Variants in PDZD2 observed in about 807,000 individuals in gnomAD.
PDZD2 encodes PDZ domain-containing protein 2.
Under a neutral mutation model 220.7 loss-of-function variants are expected in PDZD2, and 90 were observed. That is an observed-to-expected ratio of 0.41 (90% confidence interval 0.34 to 0.49). The LOEUF is 0.49. Among genes scored for constraint, PDZD2 ranks in the 20% least tolerant of loss-of-function variants. The pLI, the probability that PDZD2 is intolerant of heterozygous loss-of-function variation, is 0.28. For synonymous variants in PDZD2, 1,375 were observed against 1,450.5 expected, an observed-to-expected ratio of 0.95 and a Z score of 1.18; for missense variants, 3,174 against 3,608.5, an observed-to-expected ratio of 0.88 and a Z score of 3.08.
chr5:32,008,465 A>G (rs996277053), intron 5 of PDZD2, among the ~76,000 whole-genome samples: 1 of 152,000 alleles, frequency 6.6e-6, no homozygotes, highest in African/African-American at 2.4e-5. Flanking sequence ...TATTTTTAGT[A>G]GAGACGGATG....
intron 2 of PDZD2, 97 bp from the exon 3 acceptor site, chr5:31,983,058 T>C: frequency 7.7e-7 from 1 of 1,292,540 alleles, no homozygotes; most frequent in African/African-American, 1.5e-5. Context: ...ATCGGCCAAC[T>C]GGTCGTCACT....
Position 31,660,836 on chromosome 5 carries a change from C to T in PDZD2, c.-361+21399C>T, listed in dbSNP as rs540199123. On this transcript the variant is annotated intron_variant, in intron 1 of 24. Coordinates refer to ENST00000438447, the MANE Select transcript of PDZD2 (RefSeq NM_178140.4). ...CTCTTGAGCTCAAGCAGTCCTCCCC[C>T]CTCAGCCTCCTGAGTAGCTTAGACT... Among the ~76,000 whole-genome samples the T allele has an allele frequency of 1.4e-4, 22 of 152,284 alleles. No homozygotes were observed. In the East Asian group the frequency reaches 2.5e-3, roughly 17 times the overall value.
Position 32,098,133 on chromosome 5 carries a change from C to T in PDZD2, c.7948-231C>T, listed in dbSNP as rs1743899462. On this transcript the variant is annotated intron_variant, in intron 22 of 24. Transcript: ENST00000438447. This position sits in a 1 kb window ranked among gnomAD's most constrained non-coding sequence, Gnocchi z 4.1. ...ATTAACTTGGCATAGTGGTGTGTGCCTATAATCCCAGCTACTCAGGAGGCT... is the reference window on the plus strand; with the variant it reads ...ATTAACTTGGCATAGTGGTGTGTGCTTATAATCCCAGCTACTCAGGAGGCT... 6.6e-6 allele frequency among the ~76,000 whole-genome samples: 1 copy of T among 152,114 alleles called. No individual in the cohort carries two copies. The highest frequency in any genetic ancestry group is 6.5e-5 in the Admixed American group (1 of 15,268).
intron 7 of PDZD2, among the ~76,000 whole-genome samples, chr5:32,042,811 A>G (rs933109146): frequency 6.6e-6 from 1 of 152,128 alleles, no homozygotes; most frequent in African/African-American, 2.4e-5. Flanking sequence ...GGGGCGAGGG[A>G]GTCACAAGGG....
intron 2 of PDZD2, among the ~76,000 whole-genome samples, chr5:31,805,129 A>G (rs556078201): frequency 6.6e-6 from 1 of 152,276 alleles, no homozygotes; most frequent in East Asian, 1.9e-4. Flanking sequence ...CAGGAGGTGG[A>G]TGTTGCAGTG....
chr5:31,949,668 C>CT (rs5867121), intron 2 of PDZD2, among the ~76,000 whole-genome samples: 1,932 of 127,854 alleles, frequency 0.015, 38 homozygotes, highest in South Asian at 0.057. Context: ...CCATTTTTAG[C>CT]TTTTTTTTTT....
intron 1 of PDZD2, among the ~76,000 whole-genome samples, chr5:31,756,160 C>G (rs907408495): frequency 1.7e-4 from 26 of 152,148 alleles, no homozygotes; most frequent in African/African-American, 5.3e-4. Flanking sequence ...AACGCAGAAG[C>G]CCCGGCCCCT....
chr5:31,799,550 G>A lies in PDZD2; in HGVS notation c.302G>A (p.Arg101Lys). The change falls in exon 2 of 25, where the codon AGG (arginine) becomes AAG (lysine). Residue 101 changes from arginine (R) to lysine (K), a missense_variant. By Grantham distance (26) the Arg-to-Lys change is conservative. Coordinates refer to ENST00000438447, the MANE Select transcript of PDZD2 (RefSeq NM_178140.4). The part of the protein sequence containing the change: ...PVFGDYGEKR[R>K]GGKKRKTHQG... ...TTCGGGGACTATGGTGAAAAGCGCA[G>A]GGGGGGCAAGAAGAGGAAAACCCAC... The A allele has an allele frequency of 1.2e-6, 2 of 1,613,992 alleles. No homozygotes were observed. The highest frequency in any genetic ancestry group is 1.7e-6 in the Non-Finnish European group (2 of 1,179,914).
chr5:31,673,836 T>A (rs994692636), intron 1 of PDZD2, among the ~76,000 whole-genome samples: 1 of 152,094 alleles, frequency 6.6e-6, no homozygotes, highest in Admixed American at 6.5e-5. Context: ...CTGGGTGTGG[T>A]GGTGCACACC....
chr5:31,877,242 TTC>T lies in PDZD2; in HGVS notation c.476+77526_476+77527del, dbSNP rs893273127. On this transcript the variant is annotated intron_variant, in intron 2 of 24. Coordinates refer to ENST00000438447, the MANE Select transcript of PDZD2 (RefSeq NM_178140.4). ...GTTTGTTTGTTTGTTTTGAGATGGGTTCTCTCTCTGTCACCCAGGCTGGAGTG... is the reference window on the plus strand; with the variant it reads ...GTTTGTTTGTTTGTTTTGAGATGGGTTCTCTCTGTCACCCAGGCTGGAGTG... Among the ~76,000 whole-genome samples, 4 of 152,138 alleles carry T rather than the reference TTC, an allele frequency of 2.6e-5. No homozygotes were observed. The East Asian group carries it at 7.7e-4, about 29-fold the overall frequency.
At chr5:31,884,223 G>GCATACATACATACATA (rs1740209906) in intron 2 of PDZD2, among the ~76,000 whole-genome samples, 1 of 147,698 alleles carries the variant, frequency 6.8e-6, no homozygotes, top group African/African-American at 2.5e-5. Context: ...AAAAATAACT[G>GCATACATACATACATA]CATGCATGCA....
chr5:31,666,053 C>T (rs1745976154), intron 1 of PDZD2, among the ~76,000 whole-genome samples: 1 of 152,188 alleles, frequency 6.6e-6, no homozygotes, highest in African/African-American at 2.4e-5. Flanking sequence ...AGTTCAGGAA[C>T]CTACATTTCT....
intron 1 of PDZD2, chr5:31,754,707 T>A (rs1415594092): frequency 6.6e-6 from 1 of 152,188 alleles, no homozygotes; most frequent in African/African-American, 2.4e-5. Flanking sequence ...GAATTTTGAT[T>A]GTGACTCTTT....
At chr5:31,644,543 C>T (rs1041468699) in intron 1 of PDZD2, among the ~76,000 whole-genome samples, 7 of 152,218 alleles carry the variant, frequency 4.6e-5, no homozygotes, top group African/African-American at 1.2e-4. Context: ...TTTGTTAAGA[C>T]ACTAAGCATG....
At chr5:31,925,704 T>G (rs1213589781) in intron 2 of PDZD2, among the ~76,000 whole-genome samples, 1 of 151,738 alleles carries the variant, frequency 6.6e-6, no homozygotes, top group African/African-American at 2.4e-5. Context: ...TTGCAAACTC[T>G]GTTTCCAACA....
chr5:31,793,295 C>T (rs1580767231), intron 1 of PDZD2, among the ~76,000 whole-genome samples: 1 of 151,986 alleles, frequency 6.6e-6, no homozygotes, highest in Non-Finnish European at 1.5e-5. Context: ...CAAGGAAGCT[C>T]CTAGCAGAGT....
At chr5:31,869,769 T>C (rs569296804) in intron 2 of PDZD2, among the ~76,000 whole-genome samples, 2 of 152,328 alleles carry the variant, frequency 1.3e-5, no homozygotes, top group South Asian at 4.1e-4. Flanking sequence ...CTGGCTCTTA[T>C]TGCTATTGGC....
intron 3 of PDZD2, among the ~76,000 whole-genome samples, chr5:31,989,419 T>TTTTTTTTTTTTTTTTTTTTATTTTA (rs1751008857): frequency 6.9e-6 from 1 of 145,076 alleles, no homozygotes; most frequent in African/African-American, 2.8e-5. Context: ...ACATTTTCTT[T>TTTTTTTTTTTTTTTTTTTTATTTTA]TCTTTTTTTT....
At position 31,799,573 on chromosome 5, in the gene PDZD2, C is replaced by T; in HGVS notation, c.325C>T (p.His109Tyr). ...KRRGGKKRKTHQGPVLDVGCI... is the reference protein window; with the variant it reads ...KRRGGKKRKTYQGPVLDVGCI... ...CAGGGGGGGCAAGAAGAGGAAAACCCACCAGGGTCCTGTGCTGGATGTGGG... is the reference window on the plus strand; with the variant it reads ...CAGGGGGGGCAAGAAGAGGAAAACCTACCAGGGTCCTGTGCTGGATGTGGG... The change falls in exon 2 of 25, where the codon CAC becomes TAC. Residue 109 changes from histidine (H) to tyrosine (Y), a missense_variant. Around this residue, in one of 4 missense-constraint regions of PDZD2, gnomAD observed 632 missense variants for 708.1 expected, o/e 0.89. Coordinates refer to ENST00000438447, the MANE Select transcript of PDZD2 (RefSeq NM_178140.4). 6.2e-7 allele frequency: 1 copy of T among 1,614,114 alleles called. No homozygotes were observed. Among genetic ancestry groups the T allele is most frequent in the Non-Finnish European group, 8.5e-7 (1 of 1,180,008 alleles).
Sources: gnomAD v4.1 joint callset for allele counts (sites outside exome capture counted in the v4.1 genomes callset) on GRCh38, gnomAD v4.1.1 for gene constraint, gnomAD v4.1.1 regional missense constraint, Gnocchi (gnomAD v3.1) non-coding constraint, MANE v1.5 for transcripts, NCBI Gene and HGNC (gene_info 2026-07-23, HGNC 2026-07-21) for gene names.